The following CPB2 variants were observed in gnomAD, a reference collection of about 807,000 sequenced individuals.
The protein encoded by CPB2 is carboxypeptidase B-like protein.
CPB2 carries 54 observed loss-of-function variants against 57.0 expected under a neutral mutation model. That is an observed-to-expected ratio of 0.95 (90% confidence interval 0.76 to 1.19). The LOEUF is 1.19. CPB2 is among the 50% of genes most tolerant of loss of function. The pLI, the probability that CPB2 is intolerant of heterozygous loss-of-function variation, is 0.00. For synonymous variants in CPB2, 189 were observed against 178.1 expected, an observed-to-expected ratio of 1.06 and a Z score of -0.49; for missense variants, 426 against 512.0, an observed-to-expected ratio of 0.83 and a Z score of 1.62.
At chr13:46,054,572 G>C (rs1385280966) in intron 10 of CPB2, among the ~76,000 whole-genome samples, 3 of 151,610 alleles carry the variant, frequency 2.0e-5, no homozygotes, top group Non-Finnish European at 4.4e-5. Context: ...TTTTTGGGGG[G>C]GTGCTAAATT....
Position 46,065,651 on chromosome 13 carries a change from G to C in CPB2, c.703-910C>G, listed in dbSNP as rs1424499583. 3.9e-5 allele frequency among the ~76,000 whole-genome samples: 5 copies of C among 128,882 alleles called. No individual in the cohort carries two copies. In the East Asian group the frequency reaches 9.5e-4, roughly 24 times the overall value. The allele number at this position is 128,882 out of a possible 152,430, so 84.6% of individuals were successfully genotyped here. On this transcript the variant is annotated intron_variant, in intron 7 of 10. Coordinates refer to ENST00000181383, the MANE Select transcript of CPB2 (RefSeq NM_001872.5). ...CAAAAAAAAAAAAAAAAAAAAAAAA[G>C]AGTTGCACATACTTCATTTAAGTTC... is the stretch of plus-strand genomic sequence containing the variant.
intron 1 of CPB2, among the ~76,000 whole-genome samples, chr13:46,092,432 G>T (rs953805743): frequency 5.9e-5 from 9 of 152,144 alleles, no homozygotes; most frequent in African/African-American, 1.7e-4. Flanking sequence ...TAACATTAGG[G>T]TATATTGGGT....
At chr13:46,092,062 T>A (rs1427904992) in intron 1 of CPB2, among the ~76,000 whole-genome samples, 1 of 152,214 alleles carries the variant, frequency 6.6e-6, no homozygotes, top group African/African-American at 2.4e-5. Context: ...ACGAGATTTT[T>A]CTTTTATTTT....
intron 7 of CPB2, among the ~76,000 whole-genome samples, chr13:46,066,766 A>C (rs2044860988): frequency 6.8e-6 from 1 of 147,714 alleles, no homozygotes; most frequent in Non-Finnish European, 1.5e-5. Flanking sequence ...AATCTCTTGA[A>C]CCCGGGAGGT....
At chr13:46,062,025 GT>G (rs5803326) in intron 8 of CPB2, among the ~76,000 whole-genome samples, 71,176 of 124,354 alleles carry the variant, frequency 0.57, 19,396 homozygotes, top group Non-Finnish European at 0.63. Flanking sequence ...TTTTTATTTG[GT>G]TTTTTTTTTT....
chr13:46,054,593 T>G (rs2044666721), intron 10 of CPB2, among the ~76,000 whole-genome samples: 1 of 152,118 alleles, frequency 6.6e-6, no homozygotes, highest in Non-Finnish European at 1.5e-5. Context: ...GAGTCCAGGT[T>G]TATGGCAAAG....
At chr13:46,072,335 A>C (rs1028304574) in intron 6 of CPB2, among the ~76,000 whole-genome samples, 2 of 152,170 alleles carry the variant, frequency 1.3e-5, no homozygotes, top group Admixed American at 6.5e-5. Context: ...AAAGGTAAAT[A>C]TTTTATTTTA....
intron 5 of CPB2, among the ~76,000 whole-genome samples, chr13:46,075,819 T>G (rs1432478935): frequency 4.6e-5 from 7 of 152,166 alleles, no homozygotes; most frequent in Non-Finnish European, 1.0e-4. Context: ...TAAAAAAAAT[T>G]TTTTTTAAGA....
rs760676300 is a variant in CPB2, at chr13:46,084,200, C to A, written c.275+19G>T. The A allele has an allele frequency of 2.5e-6, 4 of 1,613,102 alleles. No individual in the cohort carries two copies. The South Asian group carries it at 4.4e-5, about 18-fold the overall frequency. ...AAGTGTTTATAATAACTACTCAATA[C>A]GTATTGAACGGTGCCTACCTGCATG... On this transcript the variant is annotated intron_variant, in intron 3 of 10. Transcript: ENST00000181383.
chr13:46,076,863 T>C (rs1354954174), intron 5 of CPB2, among the ~76,000 whole-genome samples: 1 of 152,074 alleles, frequency 6.6e-6, no homozygotes. Flanking sequence ...ATAAATGGTA[T>C]TGGGAAAAAT....
At chr13:46,056,809 T>G (rs1355779513) in intron 9 of CPB2, among the ~76,000 whole-genome samples, 3 of 152,182 alleles carry the variant, frequency 2.0e-5, no homozygotes. Context: ...CAACAGCACT[T>G]TATTATTTGT....
chr13:46,090,412 G>A (rs2045274934), intron 1 of CPB2, among the ~76,000 whole-genome samples: 1 of 149,724 alleles, frequency 6.7e-6, no homozygotes, highest in Non-Finnish European at 1.5e-5. Flanking sequence ...ACCCAGGCAG[G>A]AGTGCAATGG....
intron 4 of CPB2, among the ~76,000 whole-genome samples, chr13:46,079,648 T>C (rs1168573717): frequency 6.6e-6 from 1 of 152,124 alleles, no homozygotes; most frequent in Admixed American, 6.5e-5. Context: ...ATTGCTGGGA[T>C]TGAACTGGGT....
rs768746735 is a variant in CPB2, at chr13:46,074,020, A to G, written c.487-43T>C. The G allele has an allele frequency of 3.4e-6, 4 of 1,174,448 alleles. 1 individual carries two copies. The highest frequency in any genetic ancestry group is 5.0e-6 in the Non-Finnish European group (4 of 796,262). 72.8% of individuals were successfully genotyped at this position (1,174,448 alleles called of 1,614,324 possible). The stretch of plus-strand genomic sequence containing the variant: ...AAAAGTAGCAAAAACAGTAACAATA[A>G]GCTTCAGGATAATAACTTTCATTTA... On this transcript the variant is annotated intron_variant, in intron 5 of 10. Transcript: ENST00000181383.
chr13:46,077,211 C>A (rs1333899073), intron 5 of CPB2, among the ~76,000 whole-genome samples: 2 of 151,916 alleles, frequency 1.3e-5, no homozygotes, highest in East Asian at 1.9e-4. Flanking sequence ...ATAAGGAACG[C>A]AAACAATTCA....
intron 1 of CPB2, among the ~76,000 whole-genome samples, chr13:46,103,983 CAAA>C (rs2045465475): frequency 6.6e-6 from 1 of 152,140 alleles, no homozygotes; most frequent in Non-Finnish European, 1.5e-5. Context: ...TCATGTTGAA[CAAA>C]AGAAGATCAA....
At chr13:46,075,919 A>G (rs1350394969) in intron 5 of CPB2, among the ~76,000 whole-genome samples, 1 of 152,180 alleles carries the variant, frequency 6.6e-6, no homozygotes, top group African/African-American at 2.4e-5. Context: ...ACTAAGGTCA[A>G]TTTATTCAAG....
chr13:46,094,897 A>G (rs9534321), intron 1 of CPB2: 116,889 of 152,016 alleles, frequency 0.77, 45,144 homozygotes, highest in East Asian at 0.81. Context: ...TGAAGGAGGA[A>G]TCAGGTCCCC....
chr13:46,094,363 T>A (rs2045336165), intron 1 of CPB2, among the ~76,000 whole-genome samples: 1 of 152,200 alleles, frequency 6.6e-6, no homozygotes, highest in South Asian at 2.1e-4. Flanking sequence ...AATGTTAAAT[T>A]CTGTAGCATG....
Sources: gnomAD v4.1 joint callset for allele counts (sites outside exome capture counted in the v4.1 genomes callset) on GRCh38, gnomAD v4.1.1 for gene constraint, MANE v1.5 for transcripts, NCBI Gene and HGNC (gene_info 2026-07-23, HGNC 2026-07-21) for gene names.